The following VPS13B variants were observed in gnomAD, a reference collection of about 807,000 sequenced individuals.
The protein encoded by VPS13B is vacuolar protein sorting 13 homolog B.
Under a neutral mutation model 426.4 loss-of-function variants are expected in VPS13B, and 285 were observed. The observed-to-expected ratio is 0.67, with a 90% CI of 0.61 to 0.74. The LOEUF (loss-of-function observed/expected upper bound fraction) is 0.74. Among genes scored for constraint, VPS13B ranks in the 30% least tolerant of loss-of-function variants. The pLI, the probability that VPS13B is intolerant of heterozygous loss-of-function variation, is 0.00. For missense variants in VPS13B, 4,537 were observed against 4,782.6 expected (o/e 0.95, Z 1.51); for synonymous variants, 1,676 against 1,676.4 (o/e 1.00, Z 0.01).
intron 25 of VPS13B, among the ~76,000 whole-genome samples, chr8:99,489,703 TTGTC>T (rs1250470510): frequency 1.2e-4 from 18 of 152,214 alleles, no homozygotes; most frequent in Admixed American, 1.1e-3. Context: ...GGCTCTCTGT[TTGTC>T]TGTTATTGGT....
chr8:99,520,567 A>T (rs928636179), intron 29 of VPS13B, among the ~76,000 whole-genome samples: 1 of 152,126 alleles, frequency 6.6e-6, no homozygotes, highest in Non-Finnish European at 1.5e-5. Flanking sequence ...TAGGAGAAAT[A>T]TGCAGATTGT....
chr8:99,022,019 A>C (rs1485455687), intron 2 of VPS13B, among the ~76,000 whole-genome samples: 1 of 151,908 alleles, frequency 6.6e-6, no homozygotes, highest in Non-Finnish European at 1.5e-5. Context: ...TTTTTCATCG[A>C]TATTGCTAGG....
intron 58 of VPS13B, among the ~76,000 whole-genome samples, chr8:99,866,742 G>A (rs929195159): frequency 6.6e-6 from 1 of 152,270 alleles, no homozygotes; most frequent in Non-Finnish European, 1.5e-5. Context: ...CTGCTGAGGT[G>A]ACTGGAAGAG....
rs1816430460 is a variant in VPS13B at position 99,854,087 on chromosome 8, GC to G, written c.10700del (p.Pro3567GlnfsTer2). 6.2e-7 allele frequency: 1 copy of G among 1,613,042 alleles called. No individual in the cohort carries two copies. The highest frequency in any genetic ancestry group is 1.3e-5 in the African/African-American group (1 of 74,850). On this transcript the variant is annotated frameshift_variant, in exon 56 of 62. Coordinates refer to ENST00000357162, the MANE Select transcript of VPS13B (RefSeq NM_152564.5). LOFTEE classifies it high-confidence loss of function. Reference protein sequence around the residue: ...PVKLRKLVIQPVNLLVSIHAS... With the variant: ...PVKLRKLVIQXVNLLVSIHAS... ...TGAAGTTACGGAAACTGGTGATCCAGCCAGTAAATTTGCTCGTCAGCATCCA... is the reference window on the plus strand; with the variant it reads ...TGAAGTTACGGAAACTGGTGATCCAGCAGTAAATTTGCTCGTCAGCATCCA...
rs1342501390 is a variant in VPS13B, at chr8:99,819,545, C to A, written c.8755C>A (p.Gln2919Lys). 1 of 1,613,800 alleles carries A rather than the reference C, an allele frequency of 6.2e-7. No individual in the cohort carries two copies. Among genetic ancestry groups the A allele is most frequent in the African/African-American group, 1.3e-5 (1 of 75,020 alleles). Residue 2919 changes from glutamine to lysine, a missense_variant, in exon 48 of 62, where the codon CAA (glutamine) becomes AAA (lysine). Transcript: ENST00000357162. ...ATTCTATGGGCCAGAAAAGTCGCTT[C>A]AACCCATATGGCCCTATAATAAGAA... ...DEFYGPEKSL[Q>K]PIWPYNKKDS... is the part of the protein sequence containing the mutation.
In VPS13B at chr8:99,330,293, A is replaced by AT. The variant is rs1470182903; in HGVS notation, c.2825-53914dup. Among the ~76,000 whole-genome samples, 11 of 152,014 alleles carry AT rather than the reference A, an allele frequency of 7.2e-5. No homozygotes were observed. In the East Asian group the frequency reaches 2.1e-3, roughly 29 times the overall value. ...GTATTATCCTCATTGCTATTATATT[A>AT]TGCCATTCATAGAGAATGAATGATG... On this transcript the variant is annotated intron_variant, in intron 19 of 61. Transcript: ENST00000357162.
At chr8:99,782,603 G>C (rs1036593372) in intron 42 of VPS13B, among the ~76,000 whole-genome samples, 4 of 151,798 alleles carry the variant, frequency 2.6e-5, no homozygotes, top group Non-Finnish European at 5.9e-5. Flanking sequence ...CAGAGGGAAG[G>C]CTCTGAGGCA....
chr8:99,403,243 T>A (rs1815137015), intron 21 of VPS13B, among the ~76,000 whole-genome samples: 1 of 152,056 alleles, frequency 6.6e-6, no homozygotes, highest in Non-Finnish European at 1.5e-5. Context: ...CATACTTAAT[T>A]CTCTATGATC....
chr8:99,314,302 C>T (rs1052897229), intron 19 of VPS13B, among the ~76,000 whole-genome samples: 8 of 152,096 alleles, frequency 5.3e-5, no homozygotes, highest in African/African-American at 9.7e-5. Flanking sequence ...ATTCGGCCAT[C>T]TTGGAACCAC....
rs537651581 is a variant in VPS13B, at chr8:99,189,244, C to T, written c.2334-3632C>T. 2.6e-4 allele frequency among the ~76,000 whole-genome samples: 40 copies of T among 152,314 alleles called. 1 individual carries two copies. In the South Asian group the frequency reaches 7.9e-3, roughly 30 times the overall value. On this transcript the variant is annotated intron_variant, in intron 16 of 61. Transcript: ENST00000357162. ...GATTACAGGCGTGAGCCACCGCGCC[C>T]GGCCAAAGTTCCCTTATATTCTTTT...
chr8:99,424,923 A>T (rs1816604504), intron 21 of VPS13B, among the ~76,000 whole-genome samples: 1 of 152,234 alleles, frequency 6.6e-6, no homozygotes, highest in African/African-American at 2.4e-5. Context: ...ACCATCAGAG[A>T]ATACCATAAA....
chr8:99,720,459 A>T lies in VPS13B; in HGVS notation c.6772A>T (p.Met2258Leu). The change falls in exon 38 of 62, where the codon ATG becomes TTG. Residue 2258 changes from methionine to leucine, a missense_variant. This residue lies in a region of VPS13B where 4,311 missense variants were observed against 4,474.3 expected (regional missense o/e 0.96). Coordinates refer to ENST00000357162, the MANE Select transcript of VPS13B (RefSeq NM_152564.5). ...EVQVSEPVPQ[M>L]SSPVEKNQTF... ...ACAAGTTTCTGAACCAGTGCCTCAA[A>T]TGTCATCTCCTGTGGAAAAGAATCA... The T allele has an allele frequency of 6.2e-7, 1 of 1,614,036 alleles. No homozygotes were observed. Among genetic ancestry groups the T allele is most frequent in the Non-Finnish European group, 8.5e-7 (1 of 1,179,942 alleles).
At chr8:99,531,692 G>A (rs983996691) in intron 30 of VPS13B, among the ~76,000 whole-genome samples, 33 of 152,060 alleles carry the variant, frequency 2.2e-4, no homozygotes, top group African/African-American at 7.5e-4. Context: ...AGTTGACTAA[G>A]TATGTTATGA....
chr8:99,355,756 G>A (rs1056739331), intron 19 of VPS13B, among the ~76,000 whole-genome samples: 2 of 152,178 alleles, frequency 1.3e-5, no homozygotes, highest in African/African-American at 4.8e-5. Flanking sequence ...CTGGTCGTAT[G>A]TCAGCTCACA....
intron 17 of VPS13B, among the ~76,000 whole-genome samples, chr8:99,236,364 C>T (rs1588163062): frequency 2.0e-5 from 3 of 152,204 alleles, no homozygotes; most frequent in African/African-American, 2.4e-5. Context: ...ATTCTCCTGA[C>T]TCAGTCTCCT....
chr8:99,278,393 TG>T (rs1819002799), intron 19 of VPS13B, among the ~76,000 whole-genome samples: 1 of 152,236 alleles, frequency 6.6e-6, no homozygotes, highest in African/African-American at 2.4e-5. Flanking sequence ...GAAATATTAA[TG>T]GTATTAGTAA....
chr8:99,707,837 A>G (rs1317842302), intron 36 of VPS13B, among the ~76,000 whole-genome samples: 1 of 152,184 alleles, frequency 6.6e-6, no homozygotes, highest in East Asian at 1.9e-4. Context: ...AGTTGAGACT[A>G]GAACACACAT....
intron 19 of VPS13B, among the ~76,000 whole-genome samples, chr8:99,286,522 A>T (rs1477294753): frequency 2.0e-5 from 3 of 152,162 alleles, no homozygotes; most frequent in Non-Finnish European, 4.4e-5. Flanking sequence ...CTTAATGGGG[A>T]AATGAGATCA....
intron 57 of VPS13B, among the ~76,000 whole-genome samples, chr8:99,860,832 C>T (rs1816797027): frequency 6.6e-6 from 1 of 152,204 alleles, no homozygotes; most frequent in Non-Finnish European, 1.5e-5. Flanking sequence ...CTTAGGAAAA[C>T]CAGACAGATT....
Sources: allele counts gnomAD v4.1 joint callset (sites outside exome capture counted in the v4.1 genomes callset), GRCh38; gene constraint gnomAD v4.1.1; regional missense constraint gnomAD v4.1.1; transcripts MANE v1.5; gene names NCBI Gene and HGNC (gene_info 2026-07-23, HGNC 2026-07-21).